Variants in NDUFS1 observed in about 807,000 individuals in gnomAD.
NDUFS1 encodes the protein NADH-ubiquinone oxidoreductase 75 kDa subunit, mitochondrial.
NDUFS1 carries 61 observed loss-of-function variants against 84.4 expected under a neutral mutation model. The observed-to-expected ratio is 0.72, with a 90% confidence interval of 0.59 to 0.89. The LOEUF (loss-of-function observed/expected upper bound fraction) is 0.89. NDUFS1 is among the 40% of genes least tolerant of loss of function. The pLI is 0.00. For missense variants in NDUFS1, 891 were observed against 890.0 expected, an observed-to-expected ratio of 1.00 and a Z score of -0.01; for synonymous variants, 275 against 290.0, an observed-to-expected ratio of 0.95 and a Z score of 0.53.
chr2:206,138,657 A>T (rs1691818383), intron 12 of NDUFS1, 43 bp from the exon 13 acceptor site: 1 of 1,597,910 alleles, frequency 6.3e-7, no homozygotes, highest in Admixed American at 1.7e-5. Flanking sequence ...AACTAAGCTA[A>T]GCAGTTACTG....
In NDUFS1 at chr2:206,127,813, A is replaced by G; in HGVS notation, c.1868T>C (p.Ile623Thr). ...AAATTATACCTCAGAGAGTGCTCTT[A>G]TAATTTTCCAGTCTTCTCTTGCCAA... is the stretch of plus-strand genomic sequence containing the variant. The part of the protein sequence containing the change: ...PGLAREDWKI[I>T]RALSEIAGMT... Residue 623 changes from isoleucine to threonine, a missense_variant, in exon 16 of 19, where the codon ATA (isoleucine) becomes ACA (threonine). Ile to Thr is a moderately conservative substitution (Grantham distance 89, BLOSUM62 -1). Transcript: ENST00000233190. 6.2e-7 allele frequency: 1 copy of G among 1,614,006 alleles called. No individual in the cohort carries two copies. Among genetic ancestry groups the G allele is most frequent in the Non-Finnish European group, 8.5e-7 (1 of 1,179,990 alleles).
chr2:206,157,808 G>A (rs1223943700), intron 1 of NDUFS1, among the ~76,000 whole-genome samples: 1 of 152,084 alleles, frequency 6.6e-6, no homozygotes, highest in Admixed American at 6.6e-5. Context: ...AAATGTTAAT[G>A]ACTAATCATT....
In NDUFS1 at chr2:206,127,792, T is replaced by A. The variant is rs1201806079; in HGVS notation, c.1884+5A>T. On this transcript the variant is annotated splice_donor_5th_base_variant and intron_variant, in intron 16 of 18. Coordinates refer to ENST00000233190, the MANE Select transcript of NDUFS1 (RefSeq NM_005006.7). ...CATCACTAAGAAATGACTCAGAAAT[T>A]ATACCTCAGAGAGTGCTCTTATAAT... is the stretch of plus-strand genomic sequence containing the variant. The A allele has an allele frequency of 1.9e-6, 3 of 1,613,764 alleles. No homozygotes were observed. The highest frequency in any genetic ancestry group is 2.7e-5 in the African/African-American group (2 of 75,034).
chr2:206,142,365 ACCACG>A (rs1691995627), intron 11 of NDUFS1, among the ~76,000 whole-genome samples: 1 of 152,086 alleles, frequency 6.6e-6, no homozygotes, highest in African/African-American at 2.4e-5. Flanking sequence ...GGCGCACACC[ACCACG>A]TCTGGCTAAT....
intron 14 of NDUFS1, among the ~76,000 whole-genome samples, chr2:206,131,887 C>T (rs1022574671): frequency 2.6e-5 from 4 of 151,702 alleles, no homozygotes; most frequent in East Asian, 1.9e-4. Context: ...TGCAGTGAGC[C>T]GAGATCGTGC....
intron 14 of NDUFS1, among the ~76,000 whole-genome samples, chr2:206,132,709 A>C (rs955280181): frequency 3.9e-5 from 6 of 152,216 alleles, no homozygotes; most frequent in African/African-American, 1.4e-4. Flanking sequence ...CTAATATAAC[A>C]ATTTTTATAG....
At position 206,130,157 on chromosome 2, in the gene NDUFS1, G is replaced by C; in HGVS notation, c.1639C>G (p.Leu547Val). The C allele has an allele frequency of 1.2e-6, 2 of 1,614,142 alleles. No homozygotes were observed. Among genetic ancestry groups the C allele is most frequent in the Middle Eastern group, 1.6e-4 (1 of 6,062 alleles). Residue 547 changes from leucine (L) to valine (V), a missense_variant, in exon 15 of 19, where the codon CTC (leucine) becomes GTC (valine). Coordinates refer to ENST00000233190, the MANE Select transcript of NDUFS1 (RefSeq NM_005006.7). ...IRKNPPKVLF[L>V]LGADGGCITR... Reference sequence around the variant, plus strand: ...ATACAACCTCCATCTGCTCCCAGGAGAAACAGCACCTTGGGAGGGTTCTTC... The same window carrying C: ...ATACAACCTCCATCTGCTCCCAGGACAAACAGCACCTTGGGAGGGTTCTTC...
chr2:206,155,606 CAG>C (rs1402489872), intron 1 of NDUFS1, among the ~76,000 whole-genome samples: 2 of 151,854 alleles, frequency 1.3e-5, no homozygotes, highest in Non-Finnish European at 2.9e-5. Flanking sequence ...TTAGTAGAGA[CAG>C]GGTTTCGCCA....
intron 8 of NDUFS1, 120 bp from the exon 9 acceptor site, chr2:206,145,146 G>A (rs1692110779): frequency 3.0e-6 from 3 of 998,268 alleles, no homozygotes; most frequent in Middle Eastern, 2.3e-4. Flanking sequence ...TTTAAAAAAT[G>A]AAGCTTAGAG....
chr2:206,130,333 T>C (rs1691462443), intron 14 of NDUFS1, 91 bp from the exon 15 acceptor site: 4 of 1,472,602 alleles, frequency 2.7e-6, no homozygotes, highest in African/African-American at 2.8e-5. Flanking sequence ...CTTTCAACAA[T>C]GTCAAAAAAC....
chr2:206,157,970 T>C (rs1687732988), intron 1 of NDUFS1, among the ~76,000 whole-genome samples: 2 of 150,024 alleles, frequency 1.3e-5, no homozygotes, highest in African/African-American at 4.9e-5. Flanking sequence ...TAGCTTTTTT[T>C]TTTTTTTTTT....
rs1575929605 is a variant in NDUFS1, at chr2:206,115,889, T to C, written c.*8296A>G. 1.8e-6 allele frequency: 1 copy of C among 566,764 alleles called. No individual in the cohort carries two copies. The highest frequency in any genetic ancestry group is 1.9e-5 in the African/African-American group (1 of 53,264). 35.1% of individuals were successfully genotyped at this position (566,764 alleles called of 1,614,324 possible). ...TAATTTCATGAATACTAGAGCCTAG[T>C]CTAAAAATCATAGGATGTTGTGAAA... On this transcript the variant is annotated 3_prime_UTR_variant, in exon 19 of 19. Transcript: ENST00000233190.
chr2:206,153,779 A>G (rs1692466278), intron 1 of NDUFS1, 97 bp from the exon 2 acceptor site: 2 of 700,844 alleles, frequency 2.9e-6, no homozygotes, highest in Non-Finnish European at 5.0e-6. Flanking sequence ...CACATACATT[A>G]TGTCATTGAA....
Position 206,116,434 on chromosome 2 carries a change from C to T in NDUFS1, c.*7751G>A. 3 of 865,620 alleles carry T rather than the reference C, an allele frequency of 3.5e-6. No homozygotes were observed. Among genetic ancestry groups the T allele is most frequent in the Non-Finnish European group, 5.7e-6 (3 of 530,492 alleles). 53.6% of individuals were successfully genotyped at this position (865,620 alleles called of 1,614,324 possible). On this transcript the variant is annotated 3_prime_UTR_variant, in exon 19 of 19. Transcript: ENST00000233190. ...CAGGGCCTCGATAGGCAGGGCGCGG[C>T]AGGTGCCAGGACCACGTGCAGGCTG...
At chr2:206,131,234 G>A (rs1209009467) in intron 14 of NDUFS1, among the ~76,000 whole-genome samples, 1 of 152,232 alleles carries the variant, frequency 6.6e-6, no homozygotes, top group Admixed American at 6.5e-5. Flanking sequence ...TATATCCTAA[G>A]AAGATAATTT....
chr2:206,149,163 A>C, intron 4 of NDUFS1, 67 bp from the exon 5 acceptor site: 2 of 1,157,378 alleles, frequency 1.7e-6, no homozygotes, highest in Non-Finnish European at 2.6e-6. Context: ...AACTCAATAT[A>C]TAAAAATGTT....
intron 1 of NDUFS1, among the ~76,000 whole-genome samples, chr2:206,156,356 T>C (rs1171174271): frequency 1.3e-5 from 2 of 149,940 alleles, no homozygotes. Flanking sequence ...GAAGATGGCT[T>C]GGGTCTAACA....
chr2:206,155,947 G>C (rs1338670481), intron 1 of NDUFS1, among the ~76,000 whole-genome samples: 2 of 151,154 alleles, frequency 1.3e-5, no homozygotes, highest in African/African-American at 2.4e-5. Context: ...CTATTCACTT[G>C]ATCATATAGG....
intron 18 of NDUFS1, among the ~76,000 whole-genome samples, chr2:206,125,155 C>T (rs2359127): frequency 0.52 from 79,350 of 151,692 alleles, 22,334 homozygotes; most frequent in African/African-American, 0.73. Context: ...CTAATCTCAC[C>T]TTCTGTTTCA....
Sources: gnomAD v4.1 joint callset for allele counts (sites outside exome capture counted in the v4.1 genomes callset) on GRCh38, gnomAD v4.1.1 for gene constraint, MANE v1.5 for transcripts, NCBI Gene and HGNC (gene_info 2026-07-23, HGNC 2026-07-21) for gene names.